Variants in IDNK observed in about 807,000 individuals in gnomAD.
The protein encoded by IDNK is IDNK gluconokinase, also known as gluconokinase.
IDNK carries 9 observed loss-of-function variants against 13.0 expected under a neutral mutation model. The ratio of observed to expected loss-of-function variants is 0.69; its 90% confidence interval spans 0.42 to 1.21. The LOEUF (loss-of-function observed/expected upper bound fraction) is 1.21, where lower values mean the gene tolerates loss of function less well. Ranked by LOEUF, IDNK falls within the 50% of genes most tolerant of loss-of-function variation. IDNK has a pLI of 0.00. For missense variants in IDNK, 210 were observed against 237.8 expected (o/e 0.88, Z 0.77); for synonymous variants, 92 against 94.9 (o/e 0.97, Z 0.18).
chr9:83,628,350 T>A, intron 2 of IDNK, 139 bp downstream of exon 2: 1 of 764,096 alleles, frequency 1.3e-6, no homozygotes, highest in Admixed American at 2.1e-5. Context: ...TTTTTCTCCT[T>A]GGTGATTACA....
intron 1 of IDNK, 50 bp downstream of exon 1, chr9:83,623,271 G>C (rs1353865138): frequency 7.4e-7 from 1 of 1,357,836 alleles, no homozygotes; most frequent in Non-Finnish European, 9.5e-7. Flanking sequence ...TTGCGGGCGC[G>C]GCGGAGGCCG....
chr9:83,628,914 G>A lies in IDNK; in HGVS notation c.123G>A (p.Glu41=), dbSNP rs752017118. The A allele has an allele frequency of 2.5e-6, 4 of 1,614,152 alleles. No homozygotes were observed. The highest frequency in any genetic ancestry group is 3.4e-6 in the Non-Finnish European group (4 of 1,180,004). The change falls in exon 3 of 5, where the codon GAG becomes GAA. Residue 41 remains glutamate (E), a synonymous_variant. Transcript: ENST00000376419. ...KFYDADDYHP[E]ENRRKMGKGI... is the part of the protein sequence containing the mutation. ...ATGATGCTGATGATTATCACCCGGA[G>A]GAAAATCGAAGGAAGATGGGAAAAG... is the stretch of plus-strand genomic sequence containing the variant.
In IDNK at chr9:83,643,635, G is replaced by T; in HGVS notation, c.419G>T (p.Gly140Val). The change falls in exon 5 of 5, where the codon GGA becomes GTA. Residue 140 changes from glycine (G) to valine (V), a missense_variant. Gly to Val is a moderately radical substitution (Grantham distance 109). Coordinates refer to ENST00000376419, the MANE Select transcript of IDNK (RefSeq NM_001001551.4). The stretch of plus-strand genomic sequence containing the variant: ...TCTGGACGCTTACTCAAAAGAGAGG[G>T]ACATTTTATGCCCCCTGAATTATTG... ...VISGRLLKRE[G>V]HFMPPELLQS... 3.1e-6 allele frequency: 5 copies of T among 1,614,014 alleles called. No individual in the cohort carries two copies. The highest frequency in any genetic ancestry group is 4.2e-6 in the Non-Finnish European group (5 of 1,180,016).
At chr9:83,626,696 C>T (rs138126287) in intron 1 of IDNK, 30 of 1,270,428 alleles carry the variant, frequency 2.4e-5, no homozygotes, top group African/African-American at 1.4e-4. Flanking sequence ...GGATTATAGG[C>T]GTGAGCCAAG....
At chr9:83,631,505 G>A (rs547146024) in intron 3 of IDNK, among the ~76,000 whole-genome samples, 7 of 142,320 alleles carry the variant, frequency 4.9e-5, no homozygotes, top group Admixed American at 1.5e-4. Flanking sequence ...CCAGCTACTC[G>A]GGAGGCTAAG....
chr9:83,643,675 G>C lies in IDNK; in HGVS notation c.459G>C (p.Glu153Asp). 2 of 1,613,932 alleles carry C rather than the reference G, an allele frequency of 1.2e-6. No individual in the cohort carries two copies. Among genetic ancestry groups the C allele is most frequent in the Non-Finnish European group, 1.7e-6 (2 of 1,180,008 alleles). ...MPPELLQSQF[E>D]TLEPPAAPEN... ...CTGAATTATTGCAGTCCCAGTTTGA[G>C]ACTCTGGAGCCCCCAGCAGCTCCAG... The change falls in exon 5 of 5, where the codon GAG (glutamate) becomes GAC (aspartate). Residue 153 changes from glutamate (E) to aspartate (D), a missense_variant. Physicochemically the swap from Glu to Asp is conservative, Grantham distance 45. Coordinates refer to ENST00000376419, the MANE Select transcript of IDNK (RefSeq NM_001001551.4).
At chr9:83,624,714 T>TTG (rs758731785) in intron 1 of IDNK, among the ~76,000 whole-genome samples, 23 of 140,670 alleles carry the variant, frequency 1.6e-4, no homozygotes, top group Non-Finnish European at 3.1e-4. Flanking sequence ...TTGTTTTTTT[T>TTG]TTGTTTTGTT....
intron 1 of IDNK, among the ~76,000 whole-genome samples, chr9:83,625,938 C>T (rs1360974511): frequency 1.3e-5 from 2 of 152,196 alleles, no homozygotes; most frequent in Non-Finnish European, 2.9e-5. Context: ...GGATGGAAGA[C>T]GGCAGGCATC....
chr9:83,643,402 CTCT>C, intron 4 of IDNK, 24 bp from the exon 5 acceptor site: 1 of 1,543,686 alleles, frequency 6.5e-7, no homozygotes, highest in Non-Finnish European at 8.8e-7. Flanking sequence ...TTTAGCCTCC[CTCT>C]TTTTTTTTTC....
At chr9:83,639,774 T>C (rs1404838558) in intron 3 of IDNK, among the ~76,000 whole-genome samples, 2 of 152,196 alleles carry the variant, frequency 1.3e-5, no homozygotes, top group South Asian at 2.1e-4. Flanking sequence ...GCATTTGGCT[T>C]AAGCAGCAGA....
At chr9:83,641,865 T>C (rs1831319156) in intron 4 of IDNK, among the ~76,000 whole-genome samples, 1 of 152,256 alleles carries the variant, frequency 6.6e-6, no homozygotes, top group African/African-American at 2.4e-5. Flanking sequence ...CATAAGTCTG[T>C]TTCTTCATCA....
In IDNK at chr9:83,635,073, C is replaced by A. The variant is rs538352508; in HGVS notation, c.168+6114C>A. Among the ~76,000 whole-genome samples, 3 of 152,320 alleles carry A rather than the reference C, an allele frequency of 2.0e-5. No homozygotes were observed. In the South Asian group the frequency reaches 6.2e-4, roughly 32 times the overall value. ...AAGCCTTAAAAGTCCCATCCAGAGA[C>A]TTCTACAATGACAAGGGGTGCACCT... On this transcript the variant is annotated intron_variant, in intron 3 of 4. Transcript: ENST00000376419.
At chr9:83,640,813 C>G (rs914815296) in intron 3 of IDNK, among the ~76,000 whole-genome samples, 5 of 152,188 alleles carry the variant, frequency 3.3e-5, no homozygotes, top group African/African-American at 1.2e-4. Context: ...CCATTGCACT[C>G]CAGCCTGGGC....
Position 83,628,901 on chromosome 9 carries a change from A to AT in IDNK, c.112dup (p.Tyr38LeufsTer18), listed in dbSNP as rs774772465. 34 of 1,614,108 alleles carry AT rather than the reference A, an allele frequency of 2.1e-5. 1 individual carries two copies. Among genetic ancestry groups the AT allele is most frequent in the South Asian group, 2.1e-4 (19 of 91,086 alleles). ...GGATGGAAATTCTATGATGCTGATG[A>AT]TTATCACCCGGAGGAAAATCGAAGG... On this transcript the variant is annotated frameshift_variant, in exon 3 of 5. Transcript: ENST00000376419. LOFTEE classifies it high-confidence loss of function.
chr9:83,629,065 A>G, intron 3 of IDNK, 106 bp downstream of exon 3: 1 of 861,448 alleles, frequency 1.2e-6, no homozygotes, highest in Non-Finnish European at 2.0e-6. Flanking sequence ...AGGTCACTGT[A>G]CAGGGGCTAC....
chr9:83,635,756 T>C (rs1831147758), intron 3 of IDNK, among the ~76,000 whole-genome samples: 1 of 152,276 alleles, frequency 6.6e-6, no homozygotes, highest in African/African-American at 2.4e-5. Context: ...GTCCTCATTT[T>C]CTCAAAGATA....
intron 3 of IDNK, among the ~76,000 whole-genome samples, chr9:83,634,623 G>C (rs1831116334): frequency 6.6e-6 from 1 of 152,138 alleles, no homozygotes; most frequent in Non-Finnish European, 1.5e-5. Context: ...TTAATGAAAA[G>C]TATATTTGTT....
intron 1 of IDNK, 22 bp downstream of exon 1, chr9:83,623,243 G>A (rs917600454): frequency 2.2e-6 from 3 of 1,385,878 alleles, no homozygotes; most frequent in South Asian, 1.7e-5. Flanking sequence ...AGAGGGCGGG[G>A]GGCGCCCGGG....
At chr9:83,633,612 GA>G (rs1831085589) in intron 3 of IDNK, among the ~76,000 whole-genome samples, 1 of 152,222 alleles carries the variant, frequency 6.6e-6, no homozygotes, top group African/African-American at 2.4e-5. Flanking sequence ...TTCAGAGTTG[GA>G]AATAAGTACT....
Sources: gnomAD v4.1 joint callset for allele counts (sites outside exome capture counted in the v4.1 genomes callset) on GRCh38, gnomAD v4.1.1 for gene constraint, MANE v1.5 for transcripts, NCBI Gene and HGNC (gene_info 2026-07-23, HGNC 2026-07-21) for gene names.